ETV4: variants seen among roughly 807,000 people sequenced by gnomAD.
ETV4 encodes ETS translocation variant 4.
A neutral mutation model predicts 65.9 loss-of-function variants in ETV4; 42 were observed. That is an observed-to-expected ratio of 0.64 (90% CI 0.50 to 0.82). ETV4 has a LOEUF of 0.82. Ranked by LOEUF, ETV4 falls within the 40% of genes least tolerant of loss-of-function variation. The probability of loss-of-function intolerance (pLI) is 0.00; values close to 1 mark genes in which losing one functional copy is unlikely to be tolerated. For missense variants in ETV4, 583 were observed against 630.3 expected (o/e 0.92, Z 0.80); for synonymous variants, 238 against 260.0 (o/e 0.92, Z 0.81).
chr17:43,534,927 G>A (rs958885667), intron 5 of ETV4, among the ~76,000 whole-genome samples: 13 of 152,346 alleles, frequency 8.5e-5, no homozygotes, highest in East Asian at 5.8e-4. Flanking sequence ...GGCAACAAGA[G>A]TGAAACTCTG....
At position 43,528,386 on chromosome 17, in the gene ETV4, G is replaced by A. The variant is rs953288044; in HGVS notation, c.*133C>T. ...TGAGCAGCTCAGAGTCTGGGCTAGGGCAACTGGTAGGACAGTGGGGATCTG... is the reference window on the plus strand; with the variant it reads ...TGAGCAGCTCAGAGTCTGGGCTAGGACAACTGGTAGGACAGTGGGGATCTG... On this transcript the variant is annotated 3_prime_UTR_variant, in exon 13 of 13. Coordinates refer to ENST00000319349, the MANE Select transcript of ETV4 (RefSeq NM_001079675.5). 3.5e-5 allele frequency: 22 copies of A among 632,874 alleles called. No individual in the cohort carries two copies. Among genetic ancestry groups the A allele is most frequent in the Middle Eastern group, 4.3e-4 (1 of 2,308 alleles). 39.2% of individuals were successfully genotyped at this position (632,874 alleles called of 1,614,324 possible). A position where few individuals can be genotyped will look rare whatever the true frequency, so the allele number is the denominator to read the frequency against.
intron 5 of ETV4, among the ~76,000 whole-genome samples, chr17:43,534,825 C>T (rs767039156): frequency 6.6e-6 from 1 of 152,084 alleles, no homozygotes; most frequent in Non-Finnish European, 1.5e-5. Flanking sequence ...CCTTTAATCC[C>T]AGCTACTCGG....
rs903724611 is a variant in ETV4 at position 43,529,144 on chromosome 17, G to T, written c.1221C>A (p.Ile407=). ...GACCCACAGCCCCCACCTTCTGCAT[G>T]ATGCCTTTCTCATAATAGTATCGGA... The part of the protein sequence containing the change: ...RSLRYYYEKG[I]MQKVAGERYV... Residue 407 remains isoleucine, a synonymous_variant, in exon 12 of 13, where the codon ATC becomes ATA. Coordinates refer to ENST00000319349, the MANE Select transcript of ETV4 (RefSeq NM_001079675.5). 4.3e-5 allele frequency: 69 copies of T among 1,613,786 alleles called. No homozygotes were observed. The highest frequency in any genetic ancestry group is 5.1e-5 in the Non-Finnish European group (60 of 1,180,000).
At chr17:43,545,117 TAGG>T in intron 3 of ETV4, 95 bp from the exon 4 acceptor site, 1 of 1,407,604 alleles carries the variant, frequency 7.1e-7, no homozygotes, top group Non-Finnish European at 1.0e-6. Context: ...GCCTTGGGAG[TAGG>T]GACCGAGAAG....
chr17:43,534,769 A>G (rs542872851), intron 5 of ETV4, among the ~76,000 whole-genome samples: 14 of 151,810 alleles, frequency 9.2e-5, no homozygotes, highest in Non-Finnish European at 1.9e-4. Flanking sequence ...GAGAAACCCC[A>G]TCTCTACTAA....
chr17:43,529,044 T>C (rs929700856), intron 12 of ETV4, 91 bp downstream of exon 12: 8 of 1,181,936 alleles, frequency 6.8e-6, no homozygotes, highest in African/African-American at 1.5e-5. Context: ...TCCTACAAAG[T>C]TGCTGAGAAC....
rs1408567977 is a variant in ETV4 at position 43,533,275 on chromosome 17, G to T, written c.457C>A (p.Pro153Thr). Residue 153 changes from proline to threonine, a missense_variant, in exon 7 of 13, where the codon CCC (proline) becomes ACC (threonine). By Grantham distance (38) the Pro-to-Thr change is conservative. Coordinates refer to ENST00000319349, the MANE Select transcript of ETV4 (RefSeq NM_001079675.5). ...PGALGQSPLQ[P>T]FPRAEQRNFL... Reference sequence around the variant, plus strand: ...TTCCGTTGCTCTGCCCGGGGAAAGGGCTGTAGGGGCGACTGTCCAAGGGCA... The same window carrying T: ...TTCCGTTGCTCTGCCCGGGGAAAGGTCTGTAGGGGCGACTGTCCAAGGGCA... The T allele has an allele frequency of 6.2e-7, 1 of 1,613,856 alleles. No individual in the cohort carries two copies. Among genetic ancestry groups the T allele is most frequent in the Admixed American group, 1.7e-5 (1 of 60,000 alleles).
chr17:43,541,513 G>C (rs1411686719), intron 4 of ETV4, among the ~76,000 whole-genome samples: 1 of 151,900 alleles, frequency 6.6e-6, no homozygotes, highest in Non-Finnish European at 1.5e-5. Flanking sequence ...AGAATTTTAG[G>C]GACTCTCCTT....
At chr17:43,529,424 C>A (rs1380012398) in intron 11 of ETV4, 80 bp downstream of exon 11, 1 of 1,513,398 alleles carries the variant, frequency 6.6e-7, no homozygotes. Flanking sequence ...GATGGAGGCA[C>A]GTGCCACCAT....
chr17:43,532,221 C>T (rs1970977758), intron 8 of ETV4, among the ~76,000 whole-genome samples: 2 of 152,110 alleles, frequency 1.3e-5, no homozygotes, highest in Admixed American at 6.6e-5. Context: ...ATAATTTGTC[C>T]GGGTGAGGTG....
chr17:43,544,878 G>T, intron 4 of ETV4, 97 bp downstream of exon 4: 1 of 1,168,080 alleles, frequency 8.6e-7, no homozygotes, highest in Non-Finnish European at 1.3e-6. Context: ...GCAGGGAAGG[G>T]AGAGGAGAAG....
chr17:43,545,404 G>A (rs1418231989), intron 2 of ETV4, 37 bp from the exon 3 acceptor site: 8 of 1,523,366 alleles, frequency 5.3e-6, no homozygotes, highest in Non-Finnish European at 7.1e-6. Flanking sequence ...GAGTCACCCT[G>A]AGGCGCTTAG....
At chr17:43,531,455 C>T (rs1970932864) in intron 8 of ETV4, among the ~76,000 whole-genome samples, 1 of 152,178 alleles carries the variant, frequency 6.6e-6, no homozygotes, top group Non-Finnish European at 1.5e-5. Context: ...CCAGGGCATA[C>T]ATCAATTGGG....
chr17:43,543,443 C>G (rs1162832188), intron 4 of ETV4, among the ~76,000 whole-genome samples: 1 of 152,114 alleles, frequency 6.6e-6, no homozygotes, highest in African/African-American at 2.4e-5. Flanking sequence ...CACAGATGGA[C>G]CAGCTGCTGC....
At chr17:43,539,332 T>A (rs1971405129) in intron 4 of ETV4, among the ~76,000 whole-genome samples, 1 of 152,202 alleles carries the variant, frequency 6.6e-6, no homozygotes, top group African/African-American at 2.4e-5. Context: ...TTCCTGACCA[T>A]CAGAGTCTCA....
chr17:43,529,512 G>T lies in ETV4; in HGVS notation c.1120C>A (p.Pro374Thr), dbSNP rs377565878. 14 of 1,611,324 alleles carry T rather than the reference G, an allele frequency of 8.7e-6. No homozygotes were observed. The highest frequency in any genetic ancestry group is 1.2e-5 in the Non-Finnish European group (14 of 1,178,434). Residue 374 changes from proline (P) to threonine (T), a missense_variant, in exon 11 of 13, where the codon CCT (proline) becomes ACT (threonine). By Grantham distance (38) the Pro-to-Thr change is conservative (BLOSUM62 -1). Coordinates refer to ENST00000319349, the MANE Select transcript of ETV4 (RefSeq NM_001079675.5). The stretch of plus-strand genomic sequence containing the variant: ...ACATCCGAGAGGCCCACCTCCTCAG[G>T]CTCAATGAGCTTGAACTCCATTCCC... ...GRGMEFKLIE[P>T]EEVARLWGIQ...
At chr17:43,529,262 G>GCATCTCTACCCCAA in intron 11 of ETV4, 26 bp from the exon 12 acceptor site, 1 of 1,609,736 alleles carries the variant, frequency 6.2e-7, no homozygotes. Context: ...TTTTGGGGTA[G>GCATCTCTACCCCAA]AGATGCTACC....
At chr17:43,545,694 C>T in intron 1 of ETV4, 26 bp from the exon 2 acceptor site, 1 of 1,309,886 alleles carries the variant, frequency 7.6e-7, no homozygotes. Flanking sequence ...GCTGCGTTCG[C>T]ACACCGTCCA....
rs1466455943 is a variant in ETV4 at position 43,533,948 on chromosome 17, C to T, written c.294G>A (p.Glu98=). The change falls in exon 6 of 13, where the codon GAG becomes GAA. Residue 98 remains glutamate (E), a synonymous_variant. Coordinates refer to ENST00000319349, the MANE Select transcript of ETV4 (RefSeq NM_001079675.5). ...CCGGGTCTGTGCGGGGACTCTGGGG[C>T]TCCTTCTTGATCCTGGTGGTGGGGC... ...FHSPTTRIKK[E]PQSPRTDPAL... 3 of 1,549,156 alleles carry T rather than the reference C, an allele frequency of 1.9e-6. No homozygotes were observed. Among genetic ancestry groups the T allele is most frequent in the Non-Finnish European group, 2.6e-6 (3 of 1,157,878 alleles).
Sources: allele counts gnomAD v4.1 joint callset (sites outside exome capture counted in the v4.1 genomes callset), GRCh38; gene constraint gnomAD v4.1.1; transcripts MANE v1.5; gene names NCBI Gene and HGNC (gene_info 2026-07-23, HGNC 2026-07-21).